The following TMEM132B variants were observed in gnomAD, a reference collection of about 807,000 sequenced individuals.
TMEM132B encodes transmembrane protein 132B.
A neutral mutation model predicts 90.8 loss-of-function variants in TMEM132B; 18 were observed. That is an observed-to-expected ratio of 0.20 (90% CI 0.14 to 0.29). The LOEUF (loss-of-function observed/expected upper bound fraction) is 0.29, where lower values mean the gene tolerates loss of function less well. Ranked by LOEUF, TMEM132B falls within the 10% of genes least tolerant of loss-of-function variation. TMEM132B has a pLI of 1.00. For missense variants in TMEM132B, 1,096 were observed against 1,326.8 expected (o/e 0.83, Z 2.70); for synonymous variants, 504 against 523.3 (o/e 0.96, Z 0.50).
chr12:125,429,773 T>TAC (rs1171893778), intron 3 of TMEM132B, among the ~76,000 whole-genome samples: 3 of 152,206 alleles, frequency 2.0e-5, no homozygotes, highest in Non-Finnish European at 4.4e-5. Context: ...CGTATCAGGG[T>TAC]ACATGCTACT....
intron 1 of TMEM132B, among the ~76,000 whole-genome samples, chr12:125,336,457 G>A (rs368447373): frequency 1.1e-4 from 16 of 152,208 alleles, no homozygotes; most frequent in African/African-American, 3.6e-4. Flanking sequence ...CAGACCTGAA[G>A]CCAGCCTATG....
chr12:125,466,124 C>A (rs76994254), intron 3 of TMEM132B, among the ~76,000 whole-genome samples: 5,578 of 152,224 alleles, frequency 0.037, 168 homozygotes, highest in Admixed American at 0.1. Flanking sequence ...GCTTCAGGAA[C>A]CACCAGTATA....
At position 125,246,403 on chromosome 12, in the gene TMEM132B, G is replaced by A. The variant is rs767999580; in HGVS notation, c.67+59537G>A. 3.3e-5 allele frequency among the ~76,000 whole-genome samples: 5 copies of A among 152,220 alleles called. No homozygotes were observed. Among genetic ancestry groups the A allele is most frequent in the Admixed American group, 6.5e-5 (1 of 15,290 alleles). On this transcript the variant is annotated intron_variant, in intron 1 of 8. Coordinates refer to ENST00000682704, the MANE Select transcript of TMEM132B (RefSeq NM_001366854.1). The surrounding 1 kb of genome is among the most constrained non-coding windows in gnomAD (Gnocchi z 4.2). Reference sequence around the variant, plus strand: ...GACTCGTTCTGTTCTGAGGAAGTCAGCTTCCTGGGCTGCGTCTCTCATCTT... The same window carrying A: ...GACTCGTTCTGTTCTGAGGAAGTCAACTTCCTGGGCTGCGTCTCTCATCTT...
intron 2 of TMEM132B, among the ~76,000 whole-genome samples, chr12:125,389,617 G>T (rs1878950884): frequency 6.6e-6 from 1 of 152,016 alleles, no homozygotes; most frequent in African/African-American, 2.4e-5. Flanking sequence ...AGATACTATA[G>T]AGCCTAGAAC....
At chr12:125,634,385 T>C (rs1886434425) in intron 5 of TMEM132B, among the ~76,000 whole-genome samples, 1 of 152,198 alleles carries the variant, frequency 6.6e-6, no homozygotes, top group Non-Finnish European at 1.5e-5. Flanking sequence ...AGTCTTCTAA[T>C]TGAGGGCCCC....
chr12:125,345,477 C>T (rs1227490879), intron 1 of TMEM132B, among the ~76,000 whole-genome samples: 1 of 152,158 alleles, frequency 6.6e-6, no homozygotes, highest in Non-Finnish European at 1.5e-5. Context: ...GACATCCACT[C>T]ACTCAGTTTG....
At chr12:125,333,116 C>A (rs991988200) in intron 1 of TMEM132B, among the ~76,000 whole-genome samples, 4 of 152,158 alleles carry the variant, frequency 2.6e-5, no homozygotes, top group Admixed American at 2.0e-4. Flanking sequence ...GGTTTTCCAG[C>A]TTTTGGTGTT....
intron 3 of TMEM132B, among the ~76,000 whole-genome samples, chr12:125,416,884 C>G (rs1372943228): frequency 1.1e-4 from 16 of 152,236 alleles, no homozygotes; most frequent in Admixed American, 1.0e-3. Flanking sequence ...GCCTGCTAGA[C>G]ACTCCTAAAT....
Position 125,470,755 on chromosome 12 carries a change from C to G in TMEM132B, c.1107-48684C>G, listed in dbSNP as rs1027995480. On this transcript the variant is annotated intron_variant, in intron 3 of 8. Transcript: ENST00000682704. ...GGTCACTCCTGGGGGGTTTGCCTCA[C>G]TCCTGGGCTCACTGATATGCTCATG... Among the ~76,000 whole-genome samples, 4 of 152,310 alleles carry G rather than the reference C, an allele frequency of 2.6e-5. No individual in the cohort carries two copies. In the South Asian group the frequency reaches 6.2e-4, roughly 24 times the overall value.
chr12:125,655,859 T>A lies in TMEM132B; in HGVS notation c.*1149T>A, dbSNP rs1309855703. ...AATATATAGAAATCCATCCATACAA[T>A]GACCAAAATAAATAAATAAATAAAA... On this transcript the variant is annotated 3_prime_UTR_variant, in exon 9 of 9. Coordinates refer to ENST00000682704, the MANE Select transcript of TMEM132B (RefSeq NM_001366854.1). The A allele has an allele frequency of 6.6e-6, 1 of 151,766 alleles. No homozygotes were observed. Among genetic ancestry groups the A allele is most frequent in the East Asian group, 1.9e-4 (1 of 5,182 alleles). 9.4% of individuals were successfully genotyped at this position (151,766 alleles called of 1,614,324 possible). A position where few individuals can be genotyped will look rare whatever the true frequency, so the allele number is the denominator to read the frequency against.
intron 3 of TMEM132B, among the ~76,000 whole-genome samples, chr12:125,437,137 C>T (rs2136419384): frequency 6.6e-6 from 1 of 152,288 alleles, no homozygotes; most frequent in East Asian, 1.9e-4. Flanking sequence ...TTGCACCCAC[C>T]ATCCACTCAG....
At chr12:125,512,923 A>G (rs118067375) in intron 3 of TMEM132B, among the ~76,000 whole-genome samples, 130 of 152,362 alleles carry the variant, frequency 8.5e-4, no homozygotes, top group Non-Finnish European at 1.0e-3. Context: ...GTGAGCAGGA[A>G]TGTGCCCTCT....
chr12:125,513,454 C>T (rs966575436), intron 3 of TMEM132B, among the ~76,000 whole-genome samples: 7 of 151,976 alleles, frequency 4.6e-5, no homozygotes, highest in South Asian at 2.1e-4. Context: ...AAGCTAGAGC[C>T]GGATAAGGGG....
chr12:125,594,447 A>G (rs1393795614), intron 5 of TMEM132B, among the ~76,000 whole-genome samples: 1 of 152,220 alleles, frequency 6.6e-6, no homozygotes, highest in Non-Finnish European at 1.5e-5. Context: ...ACTTTTTAAG[A>G]AGCTGCCAAA....
chr12:125,292,066 A>C (rs1184700243), intron 1 of TMEM132B, among the ~76,000 whole-genome samples: 1 of 152,254 alleles, frequency 6.6e-6, no homozygotes, highest in Non-Finnish European at 1.5e-5. Flanking sequence ...TCACTATTCA[A>C]GAATTTCTAG....
intron 5 of TMEM132B, among the ~76,000 whole-genome samples, chr12:125,643,529 A>T (rs1024995516): frequency 6.6e-6 from 1 of 152,214 alleles, no homozygotes; most frequent in African/African-American, 2.4e-5. Flanking sequence ...TCGTTCTGCA[A>T]AATTATAGCT....
intron 1 of TMEM132B, among the ~76,000 whole-genome samples, chr12:125,267,993 C>A (rs996367592): frequency 5.9e-5 from 9 of 152,138 alleles, no homozygotes; most frequent in African/African-American, 2.2e-4. Flanking sequence ...TACCTGTAAT[C>A]CCTGTACTTT....
At chr12:125,610,832 A>C (rs1281130431) in intron 5 of TMEM132B, among the ~76,000 whole-genome samples, 1 of 152,172 alleles carries the variant, frequency 6.6e-6, no homozygotes, top group African/African-American at 2.4e-5. Context: ...CATAGGATAT[A>C]CTGATCTGGA....
chr12:125,338,735 G>A (rs372738256), intron 1 of TMEM132B, among the ~76,000 whole-genome samples: 35 of 152,072 alleles, frequency 2.3e-4, no homozygotes, highest in African/African-American at 6.5e-4. Flanking sequence ...ACTTTTATCC[G>A]CTTATTCTCT....
Sources: allele counts gnomAD v4.1 joint callset (sites outside exome capture counted in the v4.1 genomes callset), GRCh38; gene constraint gnomAD v4.1.1; non-coding constraint Gnocchi (gnomAD v3.1); transcripts MANE v1.5; gene names NCBI Gene and HGNC (gene_info 2026-07-23, HGNC 2026-07-21).